KCTD16: variants seen among roughly 807,000 people sequenced by gnomAD.
KCTD16 encodes the protein BTB/POZ domain-containing protein KCTD16.
In KCTD16, 13 loss-of-function variants were observed where a neutral mutation model predicts 33.2. The ratio of observed to expected loss-of-function variants is 0.39; its 90% CI spans 0.25 to 0.62. The LOEUF (loss-of-function observed/expected upper bound fraction) is 0.62, where lower values mean the gene tolerates loss of function less well. Among genes scored for constraint, KCTD16 ranks in the 20% least tolerant of loss-of-function variants. The probability of loss-of-function intolerance (pLI) is 0.50; values close to 1 mark genes in which losing one functional copy is unlikely to be tolerated. For synonymous variants in KCTD16, 197 were observed against 195.3 expected, an observed-to-expected ratio of 1.01 and a Z score of -0.07; for missense variants, 441 against 525.1, an observed-to-expected ratio of 0.84 and a Z score of 1.57.
chr5:144,447,385 C>T lies in KCTD16; in HGVS notation c.833-26275C>T, dbSNP rs547222038. Among the ~76,000 whole-genome samples the T allele has an allele frequency of 3.9e-5, 6 of 152,108 alleles. No individual in the cohort carries two copies. The East Asian group carries it at 9.7e-4, about 25-fold the overall frequency. On this transcript the variant is annotated intron_variant, in intron 3 of 3. Coordinates refer to ENST00000512467, the MANE Select transcript of KCTD16 (RefSeq NM_020768.4). ...GAATATATGGGCACAGGGAGCGGAA[C>T]ATCACACACTAGGACCTGTCAGGGG...
intron 3 of KCTD16, among the ~76,000 whole-genome samples, chr5:144,436,533 C>G (rs984716244): frequency 2.0e-5 from 3 of 151,956 alleles, no homozygotes; most frequent in Admixed American, 6.6e-5. Flanking sequence ...AGGCCTGTGT[C>G]CACATTCCAG....
At chr5:144,460,411 A>T (rs1754167882) in intron 3 of KCTD16, among the ~76,000 whole-genome samples, 1 of 151,796 alleles carries the variant, frequency 6.6e-6, no homozygotes, top group Non-Finnish European at 1.5e-5. Context: ...ATTCTGTTTT[A>T]TTTTCTTCAT....
At chr5:144,460,799 T>C (rs1754176986) in intron 3 of KCTD16, among the ~76,000 whole-genome samples, 1 of 152,114 alleles carries the variant, frequency 6.6e-6, no homozygotes, top group Non-Finnish European at 1.5e-5. Flanking sequence ...GCCTAGAGAG[T>C]GTCTGGCAGA....
intron 3 of KCTD16, among the ~76,000 whole-genome samples, chr5:144,408,712 G>T (rs1201963815): frequency 6.6e-6 from 1 of 152,102 alleles, no homozygotes; most frequent in Non-Finnish European, 1.5e-5. Flanking sequence ...TTGGCCTACT[G>T]GGCTCTTTGA....
chr5:144,265,076 A>G (rs13165386), intron 3 of KCTD16, among the ~76,000 whole-genome samples: 36,576 of 152,116 alleles, frequency 0.24, 4,583 homozygotes, highest in Non-Finnish European at 0.28. Context: ...AACTATAGCA[A>G]ATTGAGTTGT....
At chr5:144,202,973 G>A (rs765704489) in intron 2 of KCTD16, among the ~76,000 whole-genome samples, 3 of 152,016 alleles carry the variant, frequency 2.0e-5, no homozygotes, top group Non-Finnish European at 2.9e-5. Context: ...CATGGCCCCC[G>A]CACCTGTTCC....
intron 3 of KCTD16, among the ~76,000 whole-genome samples, chr5:144,376,874 G>T (rs1276304506): frequency 2.6e-5 from 4 of 152,188 alleles, no homozygotes; most frequent in African/African-American, 9.7e-5. Context: ...GAGAACTGGT[G>T]AATGCTCTGG....
At chr5:144,271,644 T>C (rs1755296798) in intron 3 of KCTD16, among the ~76,000 whole-genome samples, 1 of 152,038 alleles carries the variant, frequency 6.6e-6, no homozygotes, top group African/African-American at 2.4e-5. Context: ...TTGGAAGTTT[T>C]AGCCAGAGCA....
At chr5:144,271,886 A>C (rs1010899723) in intron 3 of KCTD16, among the ~76,000 whole-genome samples, 1 of 152,150 alleles carries the variant, frequency 6.6e-6, no homozygotes, top group African/African-American at 2.4e-5. Flanking sequence ...CAGCCTGAAA[A>C]GGAAATTACA....
At chr5:144,299,122 ATATATATATATATATATATATATATATTT>A (rs1393989971) in intron 3 of KCTD16, among the ~76,000 whole-genome samples, 676 of 21,918 alleles carry the variant, frequency 0.031, 62 homozygotes, top group African/African-American at 0.17. Context: ...ATATATATAT[ATATATATATATATATATATATATATATTT>A]TTTTTTTTTT....
At chr5:144,190,329 A>C (rs1272055661) in intron 2 of KCTD16, among the ~76,000 whole-genome samples, 3 of 152,114 alleles carry the variant, frequency 2.0e-5, no homozygotes, top group Non-Finnish European at 4.4e-5. Context: ...CGTTCTGTAC[A>C]TTTGCGTAAG....
At chr5:144,380,315 A>C (rs1469223812) in intron 3 of KCTD16, among the ~76,000 whole-genome samples, 2 of 152,204 alleles carry the variant, frequency 1.3e-5, no homozygotes, top group Non-Finnish European at 1.5e-5. Flanking sequence ...TGAGAGTTAC[A>C]AAACACCACT....
intron 2 of KCTD16, among the ~76,000 whole-genome samples, chr5:144,201,072 T>C (rs1382516018): frequency 7.2e-5 from 11 of 152,162 alleles, no homozygotes; most frequent in Non-Finnish European, 1.6e-4. Flanking sequence ...TTTTCCCCCA[T>C]TGGTAGGATT....
At chr5:144,244,233 A>T (rs1297439858) in intron 3 of KCTD16, among the ~76,000 whole-genome samples, 2 of 152,146 alleles carry the variant, frequency 1.3e-5, no homozygotes, top group East Asian at 1.9e-4. Flanking sequence ...ATGCTTCTAT[A>T]AAAAGAGATG....
intron 3 of KCTD16, among the ~76,000 whole-genome samples, chr5:144,433,253 C>T (rs903052381): frequency 1.2e-4 from 18 of 152,104 alleles, no homozygotes; most frequent in African/African-American, 4.3e-4. Context: ...GAACAGAGAA[C>T]TCTTTCTCTG....
chr5:144,355,432 G>T (rs1298958361), intron 3 of KCTD16, among the ~76,000 whole-genome samples: 1 of 152,136 alleles, frequency 6.6e-6, no homozygotes, highest in Non-Finnish European at 1.5e-5. Flanking sequence ...AAATTTTGAT[G>T]TTAGGAAAGG....
chr5:144,188,878 G>A (rs1050880355), intron 2 of KCTD16, among the ~76,000 whole-genome samples: 2 of 152,092 alleles, frequency 1.3e-5, no homozygotes, highest in Admixed American at 6.5e-5. Flanking sequence ...TCTTTGAAAA[G>A]TGAATCTTTC....
intron 3 of KCTD16, among the ~76,000 whole-genome samples, chr5:144,289,482 G>T (rs891411103): frequency 6.6e-6 from 1 of 152,138 alleles, no homozygotes; most frequent in African/African-American, 2.4e-5. Context: ...CATCTGGTAG[G>T]AGAGGGCTGC....
intron 3 of KCTD16, among the ~76,000 whole-genome samples, chr5:144,388,192 C>A (rs1015117094): frequency 4.7e-5 from 7 of 148,132 alleles, no homozygotes; most frequent in African/African-American, 1.7e-4. Context: ...CCATTCTCCT[C>A]TCTCAGCCTC....
Sources: allele counts gnomAD v4.1 joint callset (sites outside exome capture counted in the v4.1 genomes callset), GRCh38; gene constraint gnomAD v4.1.1; transcripts MANE v1.5; gene names NCBI Gene and HGNC (gene_info 2026-07-23, HGNC 2026-07-21).